FAT4: variants seen among roughly 807,000 people sequenced by gnomAD.
The protein encoded by FAT4 is protocadherin Fat 4.
FAT4 carries 84 observed loss-of-function variants against 303.9 expected under a neutral mutation model. That is an observed-to-expected ratio of 0.28 (90% CI 0.23 to 0.33). The LOEUF is 0.33. Ranked by LOEUF, FAT4 falls within the 10% of genes least tolerant of loss-of-function variation. The pLI is 1.00. For synonymous variants in FAT4, 2,307 were observed against 2,298.8 expected, an observed-to-expected ratio of 1.00 and a Z score of -0.10; for missense variants, 6,005 against 6,146.8, an observed-to-expected ratio of 0.98 and a Z score of 0.77.
intron 14 of FAT4, among the ~76,000 whole-genome samples, chr4:125,479,454 G>T (rs977572654): frequency 6.6e-6 from 1 of 152,100 alleles, no homozygotes; most frequent in Non-Finnish European, 1.5e-5. Context: ...GTGTTTATTT[G>T]ACCAAGGTAT....
Position 125,416,612 on chromosome 4 carries a change from TAC to T in FAT4, c.7010_7011del (p.Thr2337ArgfsTer19). Reference sequence around the variant, plus strand: ...AGCGCTTTGTCTTAATGATTACAGCTACAGATTCAGGTAAGTCCATTACACCC... The same window carrying T: ...AGCGCTTTGTCTTAATGATTACAGCTAGATTCAGGTAAGTCCATTACACCC... ...KERFVLMITA[T>X]DSGSPALTGT... On this transcript the variant is annotated frameshift_variant, in exon 7 of 18. Transcript: ENST00000394329. LOFTEE classifies it high-confidence loss of function. The T allele has an allele frequency of 6.2e-7, 1 of 1,613,690 alleles. No homozygotes were observed. Among genetic ancestry groups the T allele is most frequent in the Non-Finnish European group, 8.5e-7 (1 of 1,179,760 alleles).
intron 9 of FAT4, 71 bp from the exon 10 acceptor site, chr4:125,448,390 T>A: frequency 7.3e-7 from 1 of 1,370,756 alleles, no homozygotes; most frequent in Admixed American, 2.2e-5. Flanking sequence ...GTGTCTTATA[T>A]GCACTTATCT....
At chr4:125,335,701 C>T (rs1204752662) in intron 2 of FAT4, among the ~76,000 whole-genome samples, 1 of 148,802 alleles carries the variant, frequency 6.7e-6, no homozygotes, top group Non-Finnish European at 1.5e-5. Context: ...ATTTATTATT[C>T]TTGAGTACAT....
chr4:125,477,155 G>T lies in FAT4; in HGVS notation c.12300G>T (p.Trp4100Cys). 1 of 1,346,720 alleles carries T rather than the reference G, an allele frequency of 7.4e-7. No individual in the cohort carries two copies. The highest frequency in any genetic ancestry group is 9.6e-7 in the Non-Finnish European group (1 of 1,038,924). The allele number at this position is 1,346,720 out of a possible 1,614,324, so 83.4% of individuals were successfully genotyped here. The change falls in exon 14 of 18, where the codon TGG becomes TGT. Residue 4100 changes from tryptophan to cysteine, a missense_variant and splice_region_variant. Transcript: ENST00000394329. Reference sequence around the variant, plus strand: ...TTTATATCTTCCATTATTTATTTAGGACTCTTGATGTTCAGCCAAATAGAG... The same window carrying T: ...TTTATATCTTCCATTATTTATTTAGTACTCTTGATGTTCAGCCAAATAGAG... ...TVSNVAVSDD[W>C]TLDVQPNRVT...
In FAT4 at chr4:125,320,486, A is replaced by G; in HGVS notation, c.4075A>G (p.Asn1359Asp). The change falls in exon 2 of 18, where the codon AAC becomes GAC. Residue 1359 changes from asparagine to aspartate, a missense_variant. Transcript: ENST00000394329. ...DLYYSITGTN[N>D]HGTFSISPNT... ...ATATTACAGTATTACTGGGACTAACAACCACGGAACTTTTAGCATTAGCCC... is the reference window on the plus strand; with the variant it reads ...ATATTACAGTATTACTGGGACTAACGACCACGGAACTTTTAGCATTAGCCC... The G allele has an allele frequency of 1.2e-6, 2 of 1,614,112 alleles. No individual in the cohort carries two copies. Among genetic ancestry groups the G allele is most frequent in the Non-Finnish European group, 8.5e-7 (1 of 1,179,998 alleles).
chr4:125,359,820 G>T (rs1337331683), intron 2 of FAT4, among the ~76,000 whole-genome samples: 3 of 152,084 alleles, frequency 2.0e-5, no homozygotes, highest in Non-Finnish European at 4.4e-5. Flanking sequence ...GGGGAGGGAG[G>T]TTGTTTCATT....
At chr4:125,439,108 T>G (rs1725556888) in intron 8 of FAT4, among the ~76,000 whole-genome samples, 1 of 152,198 alleles carries the variant, frequency 6.6e-6, no homozygotes, top group Non-Finnish European at 1.5e-5. Context: ...GTATTTTCCC[T>G]TATAGAAAAT....
intron 2 of FAT4, among the ~76,000 whole-genome samples, chr4:125,351,321 G>C (rs1732217235): frequency 6.6e-6 from 1 of 151,648 alleles, no homozygotes; most frequent in African/African-American, 2.4e-5. Flanking sequence ...AACTACTTTA[G>C]AATGCATCAT....
Position 125,449,176 on chromosome 4 carries a change from T to C in FAT4, c.8166T>C (p.His2722=). ...TGGAAAATAGTTTCAGTATCAATCA[T>C]GCTACTGGTGAAATTAGAAGCGTTA... ...GNMENSFSIN[H]ATGEIRSVRP... is the part of the protein sequence containing the mutation. Residue 2722 remains histidine (H), a synonymous_variant, in exon 10 of 18, where the codon CAT becomes CAC. Transcript: ENST00000394329. 1.9e-6 allele frequency: 3 copies of C among 1,614,010 alleles called. No individual in the cohort carries two copies. The highest frequency in any genetic ancestry group is 2.5e-6 in the Non-Finnish European group (3 of 1,179,906).
chr4:125,480,862 A>G (rs1032998874), intron 15 of FAT4, among the ~76,000 whole-genome samples: 1 of 152,074 alleles, frequency 6.6e-6, no homozygotes, highest in African/African-American at 2.4e-5. Flanking sequence ...GTATTCTTTT[A>G]AAGTGTATCT....
At position 125,465,642 on chromosome 4, in the gene FAT4, A is replaced by C. The variant is rs1463754305; in HGVS notation, c.11905+1975A>C. Among the ~76,000 whole-genome samples the C allele has an allele frequency of 2.6e-5, 4 of 152,308 alleles. No individual in the cohort carries two copies. The South Asian group carries it at 8.3e-4, about 32-fold the overall frequency. On this transcript the variant is annotated intron_variant, in intron 11 of 17. Coordinates refer to ENST00000394329, the MANE Select transcript of FAT4 (RefSeq NM_001291303.3). ...CTGTCGTTGCCTATTAAGTGGAACT[A>C]CTTGAGGGGCCAAATGTACCTTCTT...
At chr4:125,405,692 C>T (rs1404887851) in intron 3 of FAT4, among the ~76,000 whole-genome samples, 10 of 151,124 alleles carry the variant, frequency 6.6e-5, no homozygotes, top group East Asian at 2.0e-4. Flanking sequence ...TTAGTAGAGA[C>T]GGGGTTTCAC....
intron 5 of FAT4, among the ~76,000 whole-genome samples, chr4:125,409,353 T>C (rs13110198): frequency 0.99 from 150,485 of 151,898 alleles, 74,556 homozygotes; most frequent in South Asian, 1. Context: ...ACCTCCCAGG[T>C]TCAAGCAATT....
At chr4:125,407,221 A>C (rs907803336) in intron 4 of FAT4, 80 bp downstream of exon 4, 7 of 1,290,218 alleles carry the variant, frequency 5.4e-6, no homozygotes, top group Non-Finnish European at 6.5e-6. Context: ...GGCTGCTCTT[A>C]ATCAATGATT....
At position 125,355,548 on chromosome 4, in the gene FAT4, T is replaced by TA. The variant is rs563110658; in HGVS notation, c.5175+33963dup. ...TCAAGTTACTTGATTTTTGTTAACT[T>TA]ACGCTTTCTTATCTGTGAATGAGGA... On this transcript the variant is annotated intron_variant, in intron 2 of 17. Coordinates refer to ENST00000394329, the MANE Select transcript of FAT4 (RefSeq NM_001291303.3). Among the ~76,000 whole-genome samples, 6 of 152,148 alleles carry TA rather than the reference T, an allele frequency of 3.9e-5. No individual in the cohort carries two copies. In the South Asian group the frequency reaches 1.2e-3, roughly 31 times the overall value.
At chr4:125,389,452 T>C (rs984606799) in intron 2 of FAT4, among the ~76,000 whole-genome samples, 4 of 152,220 alleles carry the variant, frequency 2.6e-5, no homozygotes, top group Non-Finnish European at 5.9e-5. Context: ...TTATTCATTT[T>C]TTTCTTCTAG....
intron 7 of FAT4, among the ~76,000 whole-genome samples, chr4:125,427,484 G>C (rs11098812): frequency 1.3e-5 from 2 of 151,706 alleles, no homozygotes; most frequent in South Asian, 2.1e-4. Flanking sequence ...CTAATTAGCA[G>C]CAATACATTA....
intron 5 of FAT4, among the ~76,000 whole-genome samples, chr4:125,413,369 T>A (rs1433958804): frequency 1.3e-5 from 2 of 151,886 alleles, no homozygotes; most frequent in Non-Finnish European, 2.9e-5. Context: ...TTCTGAACTT[T>A]GTAATCTCTT....
At position 125,490,342 on chromosome 4, in the gene FAT4, C is replaced by T; in HGVS notation, c.13526C>T (p.Ala4509Val). Residue 4509 changes from alanine (A) to valine (V), a missense_variant, in exon 18 of 18, where the codon GCC becomes GTC. Transcript: ENST00000394329. The stretch of plus-strand genomic sequence containing the variant: ...TCTCTGCCTTTGTGGGCTGTGCCTG[C>T]CATCGTGGGCAGCTGCGCAACCGTC... ...EISLPLWAVP[A>V]IVGSCATVLA... The T allele has an allele frequency of 6.2e-7, 1 of 1,614,124 alleles. No homozygotes were observed. The highest frequency in any genetic ancestry group is 8.5e-7 in the Non-Finnish European group (1 of 1,180,032).
Sources: gnomAD v4.1 joint callset for allele counts (sites outside exome capture counted in the v4.1 genomes callset) on GRCh38, gnomAD v4.1.1 for gene constraint, MANE v1.5 for transcripts, NCBI Gene and HGNC (gene_info 2026-07-23, HGNC 2026-07-21) for gene names.